Variants in SLCO2A1 observed in about 807,000 individuals in gnomAD.
SLCO2A1 encodes the protein matrin F/G 1.
SLCO2A1 carries 60 observed loss-of-function variants against 71.7 expected under a neutral mutation model. The observed-to-expected ratio is 0.84, with a 90% CI of 0.68 to 1.04. SLCO2A1 has a LOEUF of 1.04. Among genes scored for constraint, SLCO2A1 ranks in the 50% least tolerant of loss-of-function variants. SLCO2A1 has a pLI of 0.00. For synonymous variants in SLCO2A1, 308 were observed against 326.7 expected, an observed-to-expected ratio of 0.94 and a Z score of 0.62; for missense variants, 745 against 813.4, an observed-to-expected ratio of 0.92 and a Z score of 1.02.
chr3:133,944,866 G>C (rs1933523178), intron 10 of SLCO2A1, among the ~76,000 whole-genome samples: 1 of 152,230 alleles, frequency 6.6e-6, no homozygotes, highest in South Asian at 2.1e-4. Context: ...GAATTTGTTG[G>C]ACATCGGCCA....
chr3:133,944,646 G>T (rs912013749), intron 10 of SLCO2A1, among the ~76,000 whole-genome samples: 2 of 152,200 alleles, frequency 1.3e-5, no homozygotes, highest in Non-Finnish European at 2.9e-5. Context: ...GGAGCTGAGG[G>T]GTTGAACCAA....
At chr3:134,007,393 A>C (rs1935243575) in intron 1 of SLCO2A1, among the ~76,000 whole-genome samples, 2 of 152,234 alleles carry the variant, frequency 1.3e-5, no homozygotes, top group South Asian at 4.1e-4. Flanking sequence ...AATCCTTGCC[A>C]AATCCAATGG....
intron 1 of SLCO2A1, among the ~76,000 whole-genome samples, chr3:133,987,072 A>C (rs78891586): frequency 1.8e-4 from 27 of 152,064 alleles, no homozygotes; most frequent in African/African-American, 6.5e-4. Context: ...CCAGGGAAGG[A>C]AGACTAGAAA....
intron 1 of SLCO2A1, among the ~76,000 whole-genome samples, chr3:134,023,583 G>T (rs1170442026): frequency 6.6e-6 from 1 of 152,108 alleles, no homozygotes; most frequent in East Asian, 1.9e-4. Context: ...ATGTTCTGTG[G>T]ACCACTAAAG....
intron 3 of SLCO2A1, among the ~76,000 whole-genome samples, chr3:133,971,122 G>A (rs1014305594): frequency 6.6e-6 from 1 of 152,234 alleles, no homozygotes; most frequent in Non-Finnish European, 1.5e-5. Context: ...CCTGGCAGGA[G>A]GCCCTCCCCT....
intron 1 of SLCO2A1, among the ~76,000 whole-genome samples, chr3:134,025,160 G>C (rs1267360096): frequency 6.6e-6 from 1 of 152,122 alleles, no homozygotes; most frequent in East Asian, 1.9e-4. Flanking sequence ...TTACAATAAG[G>C]ACTTCAACTG....
intron 1 of SLCO2A1, among the ~76,000 whole-genome samples, chr3:134,003,125 T>C (rs895728803): frequency 1.3e-5 from 2 of 152,236 alleles, no homozygotes; most frequent in Non-Finnish European, 2.9e-5. Flanking sequence ...GGTTTCATCA[T>C]CTACACCTGG....
Position 133,955,743 on chromosome 3 carries a change from C to G in SLCO2A1, c.398-550G>C, listed in dbSNP as rs561414536. Reference sequence around the variant, plus strand: ...CTGGTTGTGACTCCCAGGGCCTTTGCTTCTTAGTGAGCCCAGCTCCAAGTC... The same window carrying G: ...CTGGTTGTGACTCCCAGGGCCTTTGGTTCTTAGTGAGCCCAGCTCCAAGTC... On this transcript the variant is annotated intron_variant, in intron 3 of 13. Coordinates refer to ENST00000310926, the MANE Select transcript of SLCO2A1 (RefSeq NM_005630.3). Among the ~76,000 whole-genome samples, 19 of 152,312 alleles carry G rather than the reference C, an allele frequency of 1.2e-4. No individual in the cohort carries two copies. In the South Asian group the frequency reaches 1.7e-3, roughly 13 times the overall value.
At chr3:134,003,802 T>A (rs1935149088) in intron 1 of SLCO2A1, among the ~76,000 whole-genome samples, 1 of 152,194 alleles carries the variant, frequency 6.6e-6, no homozygotes. Flanking sequence ...AGTTTGCAGA[T>A]GTAATTAAAA....
chr3:133,949,063 G>C (rs915919395), intron 6 of SLCO2A1, 92 bp from the exon 7 acceptor site: 1 of 1,143,294 alleles, frequency 8.7e-7, no homozygotes, highest in African/African-American at 1.5e-5. Flanking sequence ...CAGAAGCTCA[G>C]GGCTGGGTGG....
intron 1 of SLCO2A1, among the ~76,000 whole-genome samples, chr3:133,996,561 C>T (rs1030466079): frequency 4.6e-5 from 7 of 152,152 alleles, no homozygotes; most frequent in African/African-American, 1.4e-4. Context: ...CTGGCAGAGG[C>T]GGCGGCTCCC....
chr3:133,977,188 G>A (rs1389433689), intron 2 of SLCO2A1, among the ~76,000 whole-genome samples: 1 of 152,150 alleles, frequency 6.6e-6, no homozygotes, highest in Non-Finnish European at 1.5e-5. Context: ...CACACAGAGG[G>A]TTATAAGGTC....
chr3:134,027,930 G>A (rs894479597), intron 1 of SLCO2A1, among the ~76,000 whole-genome samples: 1 of 152,218 alleles, frequency 6.6e-6, no homozygotes, highest in African/African-American at 2.4e-5. Flanking sequence ...AGGAGGTGAT[G>A]ACTAACAGAA....
chr3:133,959,615 AGGAGTTCGAGACCAGCCTGGGTAACAT>A (rs999800729), intron 3 of SLCO2A1, among the ~76,000 whole-genome samples: 1 of 152,166 alleles, frequency 6.6e-6, no homozygotes, highest in African/African-American at 2.4e-5. Context: ...GCTTAAGCCC[AGGAGTTCGAGACCAGCCTGGGTAACAT>A]GGCAAAACCC....
chr3:133,937,730 G>T (rs1047345001), intron 12 of SLCO2A1, among the ~76,000 whole-genome samples: 2 of 152,200 alleles, frequency 1.3e-5, no homozygotes, highest in East Asian at 3.8e-4. Flanking sequence ...ACTACTGTGT[G>T]CCTGTCATTA....
At chr3:133,940,718 G>A (rs972406281) in intron 11 of SLCO2A1, among the ~76,000 whole-genome samples, 4 of 152,172 alleles carry the variant, frequency 2.6e-5, no homozygotes, top group South Asian at 4.1e-4. Context: ...GATGGGGAGC[G>A]GTAGAGAAGG....
intron 13 of SLCO2A1, 26 bp from the exon 14 acceptor site, chr3:133,934,856 G>A: frequency 6.4e-7 from 1 of 1,570,532 alleles, no homozygotes; most frequent in Non-Finnish European, 8.7e-7. Context: ...GGCAGGACTG[G>A]TGAGGGAGGG....
At chr3:134,010,730 G>C (rs2108074406) in intron 1 of SLCO2A1, among the ~76,000 whole-genome samples, 1 of 131,890 alleles carries the variant, frequency 7.6e-6, no homozygotes, top group East Asian at 2.3e-4. Context: ...CTCCAGCCTG[G>C]TGACAGAGTG....
intron 3 of SLCO2A1, among the ~76,000 whole-genome samples, chr3:133,963,660 G>T (rs976509726): frequency 1.3e-5 from 2 of 152,218 alleles, no homozygotes; most frequent in Admixed American, 1.3e-4. Flanking sequence ...ATGGGGAAGA[G>T]GTTAGCAAGC....
Sources: gnomAD v4.1 joint callset for allele counts (sites outside exome capture counted in the v4.1 genomes callset) on GRCh38, gnomAD v4.1.1 for gene constraint, MANE v1.5 for transcripts, NCBI Gene and HGNC (gene_info 2026-07-23, HGNC 2026-07-21) for gene names.